The following ZXDC variants were observed in gnomAD, a reference collection of about 807,000 sequenced individuals.
ZXDC encodes zinc finger protein ZXDC.
Under a neutral mutation model 63.6 loss-of-function variants are expected in ZXDC, and 58 were observed. That is an observed-to-expected ratio of 0.91 (90% CI 0.74 to 1.13). The LOEUF (loss-of-function observed/expected upper bound fraction) is 1.13, where lower values mean the gene tolerates loss of function less well. Among genes scored for constraint, ZXDC ranks in the 50% most tolerant of loss-of-function variants. The probability of loss-of-function intolerance (pLI) is 0.00; values close to 1 mark genes in which losing one functional copy is unlikely to be tolerated. For missense variants in ZXDC, 1,133 were observed against 1,148.9 expected, an observed-to-expected ratio of 0.99 and a Z score of 0.20; for synonymous variants, 561 against 496.1, an observed-to-expected ratio of 1.13 and a Z score of -1.74.
Position 126,439,640 on chromosome 3 carries a change from C to CT in ZXDC, c.2481_2482insA (p.Val828SerfsTer51). The CT allele has an allele frequency of 6.4e-7, 1 of 1,553,216 alleles. No homozygotes were observed. The highest frequency in any genetic ancestry group is 8.7e-7 in the Non-Finnish European group (1 of 1,147,724). On this transcript the variant is annotated frameshift_variant, in exon 9 of 10. Transcript: ENST00000389709. LOFTEE classifies it low-confidence loss of function (END_TRUNC). Reference sequence around the variant, plus strand: ...CAGTAAGGCATCCAGACCTGGAGGACGTAGACGGGCAGGTCCACAGTGAGG... The same window carrying CT: ...CAGTAAGGCATCCAGACCTGGAGGACTGTAGACGGGCAGGTCCACAGTGAGG...
At chr3:126,444,825 G>C (rs1056590536) in intron 7 of ZXDC, among the ~76,000 whole-genome samples, 1 of 152,104 alleles carries the variant, frequency 6.6e-6, no homozygotes, top group African/African-American at 2.4e-5. Flanking sequence ...TCGAATCATG[G>C]GAAAATCAGA....
rs1934753468 is a variant in ZXDC at position 126,466,178 on chromosome 3, A to G, written c.1418T>C (p.Val473Ala). The G allele has an allele frequency of 1.2e-6, 2 of 1,613,974 alleles. No homozygotes were observed. The highest frequency in any genetic ancestry group is 1.7e-6 in the Non-Finnish European group (2 of 1,180,006). Residue 473 changes from valine (V) to alanine (A), a missense_variant, in exon 5 of 10, where the codon GTC becomes GCC. Val to Ala is a moderately conservative substitution (Grantham distance 64). Coordinates refer to ENST00000389709, the MANE Select transcript of ZXDC (RefSeq NM_025112.5). ...TSKHSMKAHM[V>A]RQHSRRQDLL... Reference sequence around the variant, plus strand: ...ACCTTGGCGCCGGCTGTGCTGTCTGACCATGTGCGCCTTCATGCTGTGCTT... The same window carrying G: ...ACCTTGGCGCCGGCTGTGCTGTCTGGCCATGTGCGCCTTCATGCTGTGCTT...
intron 9 of ZXDC, among the ~76,000 whole-genome samples, chr3:126,439,320 A>G (rs1399532976): frequency 2.0e-5 from 3 of 152,200 alleles, no homozygotes; most frequent in African/African-American, 4.8e-5. Flanking sequence ...ATCCGAGTCT[A>G]TTCTCCCACA....
chr3:126,438,586 A>G, intron 9 of ZXDC, 125 bp from the exon 10 acceptor site: 1 of 744,372 alleles, frequency 1.3e-6, no homozygotes, highest in South Asian at 1.8e-5. Flanking sequence ...ACTCAAAACT[A>G]CAGGCTCCCC....
rs1934536717 is a variant in ZXDC, at chr3:126,461,547, G to A, written c.2115C>T (p.Gly705=). The A allele has an allele frequency of 1.2e-6, 2 of 1,609,034 alleles. No homozygotes were observed. The highest frequency in any genetic ancestry group is 1.1e-5 in the South Asian group (1 of 90,910). ...GAGTGCTTCATACCAAATAGAAGTT[G>A]CCAGTGCCTGCACTGAGCTCTGTGT... ...AQDTELSAGT[G]NFYLESGGSA... Residue 705 remains glycine, a synonymous_variant, in exon 6 of 10, where the codon GGC becomes GGT. Transcript: ENST00000389709.
rs1934539772 is a variant in ZXDC at position 126,461,592 on chromosome 3, T to C, written c.2070A>G (p.Ala690=). 1.9e-6 allele frequency: 3 copies of C among 1,614,222 alleles called. No individual in the cohort carries two copies. The highest frequency in any genetic ancestry group is 1.3e-5 in the African/African-American group (1 of 75,070). Residue 690 remains alanine, a synonymous_variant, in exon 6 of 10, where the codon GCA becomes GCG. Coordinates refer to ENST00000389709, the MANE Select transcript of ZXDC (RefSeq NM_025112.5). The part of the protein sequence containing the change: ...GLPQSTLPSP[A]EQHGAQDTEL... Reference sequence around the variant, plus strand: ...CTGTGTCCTGGGCACCGTGCTGCTCTGCTGGACTGGGCAACGTGGACTGGG... The same window carrying C: ...CTGTGTCCTGGGCACCGTGCTGCTCCGCTGGACTGGGCAACGTGGACTGGG...
chr3:126,475,281 G>C lies in ZXDC; in HGVS notation c.585C>G (p.His195Gln), dbSNP rs776093226. The C allele has an allele frequency of 2.6e-6, 4 of 1,551,954 alleles. No individual in the cohort carries two copies. The highest frequency in any genetic ancestry group is 2.6e-6 in the Non-Finnish European group (3 of 1,147,780). Residue 195 changes from histidine (H) to glutamine (Q), a missense_variant, in exon 1 of 10, where the codon CAC becomes CAG. Transcript: ENST00000389709. ...CCTGACCGCCGCCGTGCGTGAGCAG[G>C]TGCACCTTGAGCTGGTGCTTCTTGG... ...AFAKKHQLKVHLLTHGGGQGR... is the reference protein window; with the variant it reads ...AFAKKHQLKVQLLTHGGGQGR...
rs563302204 is a variant in ZXDC at position 126,471,984 on chromosome 3, T to G, written c.1128A>C (p.Leu376=). The G allele has an allele frequency of 1.2e-6, 2 of 1,613,058 alleles. No homozygotes were observed. Among genetic ancestry groups the G allele is most frequent in the East Asian group, 2.2e-5 (1 of 44,894 alleles). The change falls in exon 3 of 10, where the codon CTA becomes CTC. Residue 376 remains leucine (L), a synonymous_variant. Coordinates refer to ENST00000389709, the MANE Select transcript of ZXDC (RefSeq NM_025112.5). ...AATGTAAGGATTACCTTCTGTGCCT[T>G]AGAAGTTTGGACATGCTGGTGAAGG... ...GWTFTSMSKL[L]RHRRKHDDDR...
At chr3:126,460,681 C>G (rs1934491382) in intron 6 of ZXDC, 3 of 985,286 alleles carry the variant, frequency 3.0e-6, no homozygotes, top group Non-Finnish European at 1.2e-6. Context: ...ATGGCTCTGC[C>G]ACCGACAAGC....
intron 7 of ZXDC, among the ~76,000 whole-genome samples, chr3:126,455,822 C>A (rs1266727118): frequency 1.3e-5 from 2 of 151,804 alleles, no homozygotes; most frequent in Non-Finnish European, 2.9e-5. Flanking sequence ...ACGGTGAAAC[C>A]CCCGTCTCTA....
chr3:126,459,577 G>A (rs1934438880), intron 7 of ZXDC, 76 bp downstream of exon 7: 1 of 1,606,042 alleles, frequency 6.2e-7, no homozygotes, highest in Non-Finnish European at 8.5e-7. Flanking sequence ...AACACCTGCT[G>A]TGTTTCTTCT....
At chr3:126,457,169 C>T (rs1053661795) in intron 7 of ZXDC, 2 of 736,896 alleles carry the variant, frequency 2.7e-6, no homozygotes, top group African/African-American at 3.8e-5. Context: ...GTCACATTCA[C>T]ATCAAGTCTG....
At position 126,475,001 on chromosome 3, in the gene ZXDC, T is replaced by A; in HGVS notation, c.865A>T (p.Ser289Cys). Reference protein sequence around the residue: ...THAKLSSHQRSHFEPERPYKC... With the variant: ...THAKLSSHQRCHFEPERPYKC... ...TAAGGGCGCTCGGGCTCGAAGTGGCTGCGCTGGTGGGAGCTGAGCTTGGCG... is the reference window on the plus strand; with the variant it reads ...TAAGGGCGCTCGGGCTCGAAGTGGCAGCGCTGGTGGGAGCTGAGCTTGGCG... The change falls in exon 1 of 10, where the codon AGC becomes TGC. Residue 289 changes from serine to cysteine, a missense_variant. By Grantham distance (112) the Ser-to-Cys change is moderately radical (BLOSUM62 -1). Transcript: ENST00000389709. The A allele has an allele frequency of 6.3e-7, 1 of 1,595,702 alleles. No individual in the cohort carries two copies. Among genetic ancestry groups the A allele is most frequent in the Non-Finnish European group, 8.5e-7 (1 of 1,171,856 alleles).
At chr3:126,446,567 C>T (rs924088766) in intron 7 of ZXDC, among the ~76,000 whole-genome samples, 1 of 152,128 alleles carries the variant, frequency 6.6e-6, no homozygotes, top group African/African-American at 2.4e-5. Context: ...AGGCTCAGGC[C>T]CCTCCCTTGA....
intron 1 of ZXDC, among the ~76,000 whole-genome samples, chr3:126,473,798 G>A (rs113517033): frequency 2.0e-5 from 3 of 152,224 alleles, no homozygotes; most frequent in African/African-American, 7.2e-5. Flanking sequence ...GGGCATGCTA[G>A]GCACACATTC....
At chr3:126,465,121 C>T (rs1008342828) in intron 5 of ZXDC, among the ~76,000 whole-genome samples, 5 of 152,312 alleles carry the variant, frequency 3.3e-5, no homozygotes, top group East Asian at 1.9e-4. Flanking sequence ...ACACAGGAGA[C>T]GTGAGGACCC....
rs1471811588 is a variant in ZXDC at position 126,459,724 on chromosome 3, G to A, written c.2141C>T (p.Ser714Leu). The change falls in exon 7 of 10, where the codon TCA (serine) becomes TTA (leucine). Residue 714 changes from serine to leucine, a missense_variant. Ser to Leu is a moderately radical substitution (Grantham distance 145, BLOSUM62 -2). Coordinates refer to ENST00000389709, the MANE Select transcript of ZXDC (RefSeq NM_025112.5). Reference protein sequence around the residue: ...TGNFYLESGGSARTDYRAIQL... With the variant: ...TGNFYLESGGLARTDYRAIQL... ...AATGGCTCGGTAATCAGTTCTTGCTGAGCCCCCACTTTCCTGAGACCAAAG... is the reference window on the plus strand; with the variant it reads ...AATGGCTCGGTAATCAGTTCTTGCTAAGCCCCCACTTTCCTGAGACCAAAG... 1 of 1,614,022 alleles carries A rather than the reference G, an allele frequency of 6.2e-7. No homozygotes were observed. Among genetic ancestry groups the A allele is most frequent in the Non-Finnish European group, 8.5e-7 (1 of 1,180,010 alleles).
rs1019764943 is a variant in ZXDC, at chr3:126,460,236, T to C, written c.2128-499A>G. The C allele has an allele frequency of 8.8e-6, 7 of 798,562 alleles. No individual in the cohort carries two copies. In the African/African-American group the frequency reaches 1.3e-4, roughly 15 times the overall value. 49.5% of individuals were successfully genotyped at this position (798,562 alleles called of 1,614,324 possible). A position where few individuals can be genotyped will look rare whatever the true frequency, so the allele number is the denominator to read the frequency against. ...CAAAAATAATAATGATGGTACTGAA[T>C]TCAGGAACTTGCCTGAGGGAGTCAG... On this transcript the variant is annotated intron_variant, in intron 6 of 9. Transcript: ENST00000389709.
intron 5 of ZXDC, among the ~76,000 whole-genome samples, chr3:126,463,817 T>A (rs1192283322): frequency 1.3e-5 from 2 of 152,204 alleles, no homozygotes; most frequent in Non-Finnish European, 2.9e-5. Flanking sequence ...ATGTCTATTA[T>A]ATTTTATATT....
Sources: gnomAD v4.1 joint callset for allele counts (sites outside exome capture counted in the v4.1 genomes callset) on GRCh38, gnomAD v4.1.1 for gene constraint, MANE v1.5 for transcripts, NCBI Gene and HGNC (gene_info 2026-07-23, HGNC 2026-07-21) for gene names.